The following AP4E1 variants were observed in gnomAD, a reference collection of about 807,000 sequenced individuals.
AP4E1 encodes the protein adaptor related protein complex 4 subunit epsilon 1.
A neutral mutation model predicts 128.2 loss-of-function variants in AP4E1; 56 were observed. The ratio of observed to expected loss-of-function variants is 0.44; its 90% CI spans 0.35 to 0.55. The LOEUF (loss-of-function observed/expected upper bound fraction) is 0.55, where lower values mean the gene tolerates loss of function less well. AP4E1 is among the 20% of genes least tolerant of loss of function. The pLI, the probability that AP4E1 is intolerant of heterozygous loss-of-function variation, is 0.00. For synonymous variants in AP4E1, 484 were observed against 473.1 expected, an observed-to-expected ratio of 1.02 and a Z score of -0.30; for missense variants, 1,324 against 1,307.7, an observed-to-expected ratio of 1.01 and a Z score of -0.19.
chr15:50,973,676 T>C (rs952775268), intron 15 of AP4E1, among the ~76,000 whole-genome samples: 1 of 152,236 alleles, frequency 6.6e-6, no homozygotes. Flanking sequence ...CAATATTTTT[T>C]TGTGCCTTAC....
chr15:50,912,622 G>A (rs893983629), intron 2 of AP4E1, among the ~76,000 whole-genome samples: 1 of 151,644 alleles, frequency 6.6e-6, no homozygotes, highest in East Asian at 1.9e-4. Context: ...CCACTGTGGG[G>A]CTGTCCCAGC....
intron 15 of AP4E1, among the ~76,000 whole-genome samples, chr15:50,979,172 C>G (rs1380171991): frequency 2.0e-5 from 3 of 152,112 alleles, no homozygotes; most frequent in African/African-American, 4.8e-5. Flanking sequence ...AATGCAGTGG[C>G]TGGATGACTC....
intron 10 of AP4E1, among the ~76,000 whole-genome samples, chr15:50,947,277 A>G (rs1201211627): frequency 6.6e-6 from 1 of 151,914 alleles, no homozygotes; most frequent in African/African-American, 2.4e-5. Flanking sequence ...TTAGCTGGGC[A>G]TGGTGGCACG....
intron 10 of AP4E1, 83 bp downstream of exon 10, chr15:50,941,858 G>A: frequency 1.1e-6 from 1 of 949,644 alleles, no homozygotes; most frequent in South Asian, 1.4e-5. Context: ...GATTAAAGTG[G>A]TGGGCAGTGT....
chr15:50,908,741 G>C lies in AP4E1; in HGVS notation c.-38G>C. The stretch of plus-strand genomic sequence containing the variant: ...CGGGCATGAAGCCGGGCGGCTACGG[G>C]ATCGCGGGCGGCGGCGGCATCGCGG... On this transcript the variant is annotated 5_prime_UTR_variant, in exon 1 of 21. Coordinates refer to ENST00000261842, the MANE Select transcript of AP4E1 (RefSeq NM_007347.5). 1.3e-6 allele frequency: 2 copies of C among 1,499,016 alleles called. No individual in the cohort carries two copies. Among genetic ancestry groups the C allele is most frequent in the Non-Finnish European group, 1.8e-6 (2 of 1,125,418 alleles). 92.9% of individuals were successfully genotyped at this position (1,499,016 alleles called of 1,614,324 possible).
At chr15:50,950,201 A>G (rs2064130432) in intron 13 of AP4E1, 32 bp downstream of exon 13, 1 of 1,426,736 alleles carries the variant, frequency 7.0e-7, no homozygotes, top group Non-Finnish European at 9.8e-7. Flanking sequence ...ATAAATTTTT[A>G]TAACATTTTT....
At chr15:50,934,927 T>C (rs1366260498) in intron 8 of AP4E1, among the ~76,000 whole-genome samples, 5 of 152,118 alleles carry the variant, frequency 3.3e-5, no homozygotes, top group African/African-American at 4.8e-5. Flanking sequence ...TATAATTGTC[T>C]CTATTGAAAA....
chr15:50,952,088 C>A (rs2064158112), intron 13 of AP4E1, among the ~76,000 whole-genome samples: 2 of 152,142 alleles, frequency 1.3e-5, no homozygotes, highest in Admixed American at 6.5e-5. Flanking sequence ...ATATCTAGGT[C>A]TACCTATATA....
chr15:50,959,508 C>G (rs2064280506), intron 14 of AP4E1, among the ~76,000 whole-genome samples: 1 of 152,124 alleles, frequency 6.6e-6, no homozygotes, highest in African/African-American at 2.4e-5. Context: ...CTTTCCCAGA[C>G]AGGTGAAACT....
Position 51,001,252 on chromosome 15 carries a change from C to G in AP4E1, c.3253+69C>G, listed in dbSNP as rs1489024533. 5.6e-6 allele frequency: 8 copies of G among 1,420,992 alleles called. No homozygotes were observed. The African/African-American group carries it at 1.1e-4, about 20-fold the overall frequency. The allele number at this position is 1,420,992 out of a possible 1,614,324, so 88.0% of individuals were successfully genotyped here. Reference sequence around the variant, plus strand: ...TTCTTATAATTGGAACACAAATCAACTCTTACAAGTATCAGATTTCTCAGA... The same window carrying G: ...TTCTTATAATTGGAACACAAATCAAGTCTTACAAGTATCAGATTTCTCAGA... On this transcript the variant is annotated intron_variant, in intron 20 of 20. Coordinates refer to ENST00000261842, the MANE Select transcript of AP4E1 (RefSeq NM_007347.5).
At position 50,945,536 on chromosome 15, in the gene AP4E1, C is replaced by A; in HGVS notation, c.1177-2484C>A. ...GCAGTGCTTGACATGGATTACCCTC[C>A]CACTGGGAAAGAGCTTGTGTCTGCT... On this transcript the variant is annotated intron_variant, in intron 10 of 20. Coordinates refer to ENST00000261842, the MANE Select transcript of AP4E1 (RefSeq NM_007347.5). 4.0e-6 allele frequency: 3 copies of A among 741,340 alleles called. No homozygotes were observed. The South Asian group carries it at 4.5e-5, about 11-fold the overall frequency. 45.9% of individuals were successfully genotyped at this position (741,340 alleles called of 1,614,324 possible).
chr15:50,915,395 A>G, intron 2 of AP4E1, 53 bp from the exon 3 acceptor site: 3 of 1,570,120 alleles, frequency 1.9e-6, no homozygotes, highest in South Asian at 2.2e-5. Context: ...CATAGTTAAA[A>G]CAATCTAAAT....
At chr15:50,943,828 T>C (rs1470782945) in intron 10 of AP4E1, among the ~76,000 whole-genome samples, 4 of 152,168 alleles carry the variant, frequency 2.6e-5, no homozygotes, top group African/African-American at 9.7e-5. Flanking sequence ...TACAAAGGGA[T>C]GATTCATGTC....
At position 50,999,140 on chromosome 15, in the gene AP4E1, T is replaced by C. The variant is rs775856491; in HGVS notation, c.2973T>C (p.Ser991=). The change falls in exon 19 of 21, where the codon AGT becomes AGC. Residue 991 remains serine (S), a synonymous_variant. Coordinates refer to ENST00000261842, the MANE Select transcript of AP4E1 (RefSeq NM_007347.5). ...EAESTKSFQY[S]VQIEKPFTEG... ...AAAGCACCAAAAGCTTTCAATATAG[T>C]GTGCAGATAGAAAAACCTTTTACAG... 1.9e-6 allele frequency: 3 copies of C among 1,614,034 alleles called. No homozygotes were observed. Among genetic ancestry groups the C allele is most frequent in the Non-Finnish European group, 2.5e-6 (3 of 1,179,960 alleles).
Position 50,997,825 on chromosome 15 carries a change from A to C in AP4E1, c.2846A>C (p.Lys949Thr). ...CLLMVWSVTN[K>T]SGLELKSADL... ...TTGATGGTCTGGTCAGTCACTAATA[A>C]GAGTGGTTTGGAATTGAAAAGTGCT... Residue 949 changes from lysine (K) to threonine (T), a missense_variant, in exon 18 of 21, where the codon AAG becomes ACG. Coordinates refer to ENST00000261842, the MANE Select transcript of AP4E1 (RefSeq NM_007347.5). 1 of 1,601,264 alleles carries C rather than the reference A, an allele frequency of 6.2e-7. No homozygotes were observed. Among genetic ancestry groups the C allele is most frequent in the Non-Finnish European group, 8.5e-7 (1 of 1,172,110 alleles).
intron 15 of AP4E1, among the ~76,000 whole-genome samples, chr15:50,978,508 A>G (rs1485654140): frequency 1.3e-5 from 2 of 152,230 alleles, no homozygotes; most frequent in Non-Finnish European, 2.9e-5. Context: ...ATGAGTGTGC[A>G]TATAATTGAG....
chr15:50,992,951 T>G (rs1237754086), intron 16 of AP4E1, among the ~76,000 whole-genome samples: 1 of 152,238 alleles, frequency 6.6e-6, no homozygotes, highest in Non-Finnish European at 1.5e-5. Flanking sequence ...GGATTTTACT[T>G]AATGAATTTA....
chr15:51,000,435 C>T (rs2064947169), intron 19 of AP4E1, among the ~76,000 whole-genome samples: 1 of 152,144 alleles, frequency 6.6e-6, no homozygotes, highest in South Asian at 2.1e-4. Context: ...GCTACCATGC[C>T]CAGCTTTCCC....
intron 3 of AP4E1, among the ~76,000 whole-genome samples, chr15:50,919,003 C>T (rs980648375): frequency 8.6e-5 from 13 of 151,590 alleles, no homozygotes; most frequent in African/African-American, 2.2e-4. Context: ...CCGAGGTGGG[C>T]GGATCACCTG....
Sources: gnomAD v4.1 joint callset for allele counts (sites outside exome capture counted in the v4.1 genomes callset) on GRCh38, gnomAD v4.1.1 for gene constraint, MANE v1.5 for transcripts, NCBI Gene and HGNC (gene_info 2026-07-23, HGNC 2026-07-21) for gene names.